Variants in CEACAM21 observed in about 807,000 individuals in gnomAD.
CEACAM21 encodes CEA cell adhesion molecule 21.
A neutral mutation model predicts 33.2 loss-of-function variants in CEACAM21; 38 were observed. The observed-to-expected ratio is 1.14, with a 90% CI of 0.88 to 1.50. CEACAM21 has a LOEUF of 1.50. CEACAM21 is among the 40% of genes most tolerant of loss of function. The probability of loss-of-function intolerance (pLI) is 0.00; values close to 1 mark genes in which losing one functional copy is unlikely to be tolerated. For missense variants in CEACAM21, 385 were observed against 364.6 expected, an observed-to-expected ratio of 1.06 and a Z score of -0.46; for synonymous variants, 156 against 143.0, an observed-to-expected ratio of 1.09 and a Z score of -0.65.
intron 1 of CEACAM21, among the ~76,000 whole-genome samples, chr19:41,560,342 C>T (rs1438531288): frequency 6.6e-6 from 1 of 152,088 alleles, no homozygotes; most frequent in Non-Finnish European, 1.5e-5. Context: ...CCTGCCTCAC[C>T]CTCCCAAGTA....
chr19:41,564,129 G>T (rs1481206203), intron 1 of CEACAM21, among the ~76,000 whole-genome samples: 1 of 152,006 alleles, frequency 6.6e-6, no homozygotes, highest in Non-Finnish European at 1.5e-5. Flanking sequence ...TAGAAATTCT[G>T]CCTTACAATG....
intron 1 of CEACAM21, among the ~76,000 whole-genome samples, 196 bp from the exon 2 acceptor site, chr19:41,577,004 A>G (rs558976939): frequency 2.3e-4 from 35 of 152,104 alleles, no homozygotes; most frequent in Non-Finnish European, 3.5e-4. Context: ...CCTGGGAAAG[A>G]GGGTTCACAC....
chr19:41,552,292 G>C (rs1211223029), intron 1 of CEACAM21: 1 of 152,106 alleles, frequency 6.6e-6, no homozygotes, highest in Non-Finnish European at 1.5e-5. Flanking sequence ...GTTTGGGGGG[G>C]GTTCCTTTAG....
At chr19:41,566,496 C>G (rs2042274295) in intron 2 of CEACAM21, among the ~76,000 whole-genome samples, 2 of 152,172 alleles carry the variant, frequency 1.3e-5, no homozygotes, top group Admixed American at 1.3e-4. Flanking sequence ...TTGAAACATA[C>G]TTGCATTCCT....
At chr19:41,574,517 T>A (rs1005535024), upstream of CEACAM21, among the ~76,000 whole-genome samples, 4 of 152,140 alleles carry the variant, frequency 2.6e-5, no homozygotes, top group Admixed American at 1.3e-4. Context: ...CCATTTTTTT[T>A]AAACAGCAAA....
intron 1 of CEACAM21, among the ~76,000 whole-genome samples, chr19:41,556,274 A>T (rs185176391): frequency 5.9e-5 from 9 of 152,382 alleles, no homozygotes; most frequent in Non-Finnish European, 1.2e-4. Context: ...GTTTTAATTC[A>T]AAATCTAATT....
At chr19:41,562,278 G>GAAA (rs1325441204) in intron 1 of CEACAM21, among the ~76,000 whole-genome samples, 1 of 139,540 alleles carries the variant, frequency 7.2e-6, no homozygotes, top group African/African-American at 3.0e-5. Context: ...AAGAAAGAAA[G>GAAA]AAAAAACACT....
intron 5 of CEACAM21, 63 bp downstream of exon 5, chr19:41,585,558 C>G: frequency 6.5e-7 from 1 of 1,545,554 alleles, no homozygotes; most frequent in Admixed American, 1.7e-5. Flanking sequence ...GTTGTCCACT[C>G]CTGCCAGTTA....
intron 1 of CEACAM21, among the ~76,000 whole-genome samples, chr19:41,563,530 G>A (rs11083627): frequency 0.42 from 63,403 of 152,156 alleles, 17,040 homozygotes; most frequent in African/African-American, 0.77. Flanking sequence ...GCAGAAGAGA[G>A]ACCCCTGCTC....
Position 41,577,409 on chromosome 19 carries a change from G to A in CEACAM21, c.274G>A (p.Gly92Arg), listed in dbSNP as rs577396312. 6.2e-6 allele frequency: 10 copies of A among 1,614,146 alleles called. No homozygotes were observed. In the African/African-American group the frequency reaches 1.2e-4, roughly 19 times the overall value. The change falls in exon 2 of 7, where the codon GGG (glycine) becomes AGG (arginine). Residue 92 changes from glycine to arginine, a missense_variant. Gly to Arg is a moderately radical substitution (Grantham distance 125). Transcript: ENST00000401445. ...AATAGACACTCACGTTAGGACTCCA[G>A]GGCCTGCATACAGCGGTCGAGAGAC... The part of the protein sequence containing the change: ...YVIDTHVRTP[G>R]PAYSGRETIS...
chr19:41,585,336 G>A, intron 4 of CEACAM21, 107 bp from the exon 5 acceptor site: 1 of 1,150,910 alleles, frequency 8.7e-7, no homozygotes, highest in Non-Finnish European at 1.3e-6. Context: ...AAGAAAGGAG[G>A]TCTCCATACC....
intron 3 of CEACAM21, among the ~76,000 whole-genome samples, chr19:41,580,131 T>C (rs2043263300): frequency 6.6e-6 from 1 of 152,198 alleles, no homozygotes; most frequent in Non-Finnish European, 1.5e-5. Flanking sequence ...TGAATCTTAA[T>C]TGAAGTACTG....
chr19:41,564,389 G>A (rs2042119574), intron 1 of CEACAM21, among the ~76,000 whole-genome samples: 1 of 149,622 alleles, frequency 6.7e-6, no homozygotes, highest in South Asian at 2.1e-4. Context: ...CCTGCTCCTC[G>A]GGAGGCTTCT....
intron 2 of CEACAM21, among the ~76,000 whole-genome samples, chr19:41,569,906 A>G (rs1555789083): frequency 6.6e-6 from 1 of 151,530 alleles, no homozygotes; most frequent in African/African-American, 2.4e-5. Context: ...GTCCTCCCAC[A>G]CCCCCAGCCT....
At chr19:41,562,502 T>C (rs143073719) in intron 1 of CEACAM21, among the ~76,000 whole-genome samples, 280 of 152,218 alleles carry the variant, frequency 1.8e-3, no homozygotes, top group African/African-American at 6.5e-3. Flanking sequence ...TAAAGAGGTA[T>C]GTCCACCATG....
chr19:41,584,501 G>A, intron 4 of CEACAM21, 58 bp downstream of exon 4: 1 of 1,458,170 alleles, frequency 6.9e-7, no homozygotes, highest in Admixed American at 1.9e-5. Flanking sequence ...AGGCGAGAAG[G>A]AAGGAGACCC....
chr19:41,554,563 A>G (rs1003771072), intron 1 of CEACAM21, among the ~76,000 whole-genome samples: 1 of 152,118 alleles, frequency 6.6e-6, no homozygotes, highest in Non-Finnish European at 1.5e-5. Context: ...TATATTTCAC[A>G]ATGCTTCCTG....
chr19:41,578,731 C>G (rs573085613), intron 2 of CEACAM21, among the ~76,000 whole-genome samples: 6 of 152,294 alleles, frequency 3.9e-5, no homozygotes, highest in African/African-American at 1.2e-4. Flanking sequence ...ATTGTCCAAG[C>G]CTCTCCCATC....
chr19:41,577,062 C>T (rs149001189), intron 1 of CEACAM21, 138 bp from the exon 2 acceptor site: 22 of 893,110 alleles, frequency 2.5e-5, no homozygotes, highest in Non-Finnish European at 2.6e-5. Context: ...GGTCATGCTG[C>T]TGACTTTGAC....
Sources: allele counts gnomAD v4.1 joint callset (sites outside exome capture counted in the v4.1 genomes callset), GRCh38; gene constraint gnomAD v4.1.1; transcripts MANE v1.5; gene names NCBI Gene and HGNC (gene_info 2026-07-23, HGNC 2026-07-21).